Variants in CNTRL observed in about 807,000 individuals in gnomAD.
The protein encoded by CNTRL is 110 kDa centrosomal protein.
CNTRL carries 233 observed loss-of-function variants against 303.7 expected under a neutral mutation model. The ratio of observed to expected loss-of-function variants is 0.77; its 90% confidence interval spans 0.69 to 0.86. CNTRL has a LOEUF of 0.86. CNTRL is among the 40% of genes least tolerant of loss of function. The pLI, the probability that CNTRL is intolerant of heterozygous loss-of-function variation, is 0.00. For synonymous variants in CNTRL, 900 were observed against 922.2 expected (o/e 0.98, Z 0.44); for missense variants, 2,524 against 2,650.6 (o/e 0.95, Z 1.05).
At chr9:121,165,121 G>T in intron 35 of CNTRL, 21 bp downstream of exon 35, 1 of 1,530,784 alleles carries the variant, frequency 6.5e-7, no homozygotes, top group South Asian at 1.3e-5. Context: ...GCAAAACAGT[G>T]AAAGTGTGTG....
At chr9:121,153,305 T>TC (rs2052387043) in intron 26 of CNTRL, among the ~76,000 whole-genome samples, 1 of 152,182 alleles carries the variant, frequency 6.6e-6, no homozygotes, top group African/African-American at 2.4e-5. Context: ...ACGACCCTTC[T>TC]CCATCTGAAA....
chr9:121,177,290 C>T lies in CNTRL; in HGVS notation c.*104C>T. On this transcript the variant is annotated 3_prime_UTR_variant, in exon 44 of 44. Coordinates refer to ENST00000373855, the MANE Select transcript of CNTRL (RefSeq NM_007018.6). ...GTTTTTTTAATCAAGATGCAGTGAACTGAGATTCTGAAACTCCACTGTAGT... is the reference window on the plus strand; with the variant it reads ...GTTTTTTTAATCAAGATGCAGTGAATTGAGATTCTGAAACTCCACTGTAGT... The T allele has an allele frequency of 1.0e-6, 1 of 956,690 alleles. No homozygotes were observed. The allele number at this position is 956,690 out of a possible 1,614,324, so 59.3% of individuals were successfully genotyped here. A position where few individuals can be genotyped will look rare whatever the true frequency, so the allele number is the denominator to read the frequency against.
At chr9:121,095,065 T>G in intron 5 of CNTRL, 47 bp downstream of exon 5, 1 of 1,448,862 alleles carries the variant, frequency 6.9e-7, no homozygotes. Flanking sequence ...GATAGCTTTG[T>G]TAGAGAGGTA....
In CNTRL at chr9:121,125,716, G is replaced by A. The variant is rs1438991763; in HGVS notation, c.1805G>A (p.Gly602Asp). The A allele has an allele frequency of 6.2e-7, 1 of 1,613,788 alleles. No homozygotes were observed. The highest frequency in any genetic ancestry group is 2.2e-5 in the East Asian group (1 of 44,878). ...IKDLEEQLTE[G>D]QIAANEALKK... ...ATTACCCTTTTTGCATCTTGCTTAG[G>A]CCAGATAGCAGCAAATGAAGCCCTG... Residue 602 changes from glycine (G) to aspartate (D), a missense_variant and splice_region_variant, in exon 14 of 44, where the codon GGC becomes GAC. By Grantham distance (94) the Gly-to-Asp change is moderately conservative. Coordinates refer to ENST00000373855, the MANE Select transcript of CNTRL (RefSeq NM_007018.6).
At chr9:121,124,125 G>T in intron 13 of CNTRL, 41 bp downstream of exon 13, 7 of 1,525,054 alleles carry the variant, frequency 4.6e-6, no homozygotes, top group Non-Finnish European at 5.3e-6. Context: ...CAGTGTTATT[G>T]CTGGTAAAAG....
Position 121,150,495 on chromosome 9 carries a change from G to A in CNTRL, c.3963+12G>A. ...AACACCATAACTTAGTAAGTGGAAA[G>A]ACATACAACTCTCTTTCCACACTGC... On this transcript the variant is annotated intron_variant, in intron 25 of 43. Transcript: ENST00000373855. 1 of 1,612,012 alleles carries A rather than the reference G, an allele frequency of 6.2e-7. No homozygotes were observed. Among genetic ancestry groups the A allele is most frequent in the Non-Finnish European group, 8.5e-7 (1 of 1,178,232 alleles).
At chr9:121,161,611 T>C in intron 32 of CNTRL, 1 of 428,336 alleles carries the variant, frequency 2.3e-6, no homozygotes, top group South Asian at 3.6e-5. Flanking sequence ...GCCTGCCAAA[T>C]GGCTGGGATT....
In CNTRL at chr9:121,160,649, G is replaced by A. The variant is rs115385359; in HGVS notation, c.5089+347G>A. ...GCCCATTTCTACTCCTCCAGAAAGGGCAAGTATGTACATCGCAGCAATATT... is the reference window on the plus strand; with the variant it reads ...GCCCATTTCTACTCCTCCAGAAAGGACAAGTATGTACATCGCAGCAATATT... On this transcript the variant is annotated intron_variant, in intron 32 of 43. Transcript: ENST00000373855. Among the ~76,000 whole-genome samples, 1,111 of 152,204 alleles carry A rather than the reference G, an allele frequency of 7.3e-3. 13 individuals are homozygous for A. Among genetic ancestry groups the A allele is most frequent in the African/African-American group, 0.025 (1,050 of 41,522 alleles).
intron 4 of CNTRL, among the ~76,000 whole-genome samples, chr9:121,092,501 A>C (rs1368500733): frequency 1.2e-5 from 1 of 81,096 alleles, no homozygotes. Context: ...ATATCTATAT[A>C]TATAATATAT....
Position 121,150,277 on chromosome 9 carries a change from G to T in CNTRL, c.3757G>T (p.Gly1253Cys), listed in dbSNP as rs1463383749. ...CATGATGTATACTGTGCTTCCTGAT[G>T]GTTCTCCTGTACCCCAGGGCATGGC... ...GYMMYTVLPD[G>C]SPVPQGMALY... Residue 1253 changes from glycine to cysteine, a missense_variant, in exon 25 of 44, where the codon GGT becomes TGT. Gly to Cys is a radical substitution (Grantham distance 159, BLOSUM62 -3). Coordinates refer to ENST00000373855, the MANE Select transcript of CNTRL (RefSeq NM_007018.6). 6.2e-7 allele frequency: 1 copy of T among 1,614,022 alleles called. No homozygotes were observed. The highest frequency in any genetic ancestry group is 8.5e-7 in the Non-Finnish European group (1 of 1,180,030).
At chr9:121,134,984 C>A (rs1448517135) in intron 14 of CNTRL, among the ~76,000 whole-genome samples, 2 of 152,172 alleles carry the variant, frequency 1.3e-5, no homozygotes, top group African/African-American at 4.8e-5. Context: ...TTTAAACAAG[C>A]AGCCCAAATG....
intron 43 of CNTRL, among the ~76,000 whole-genome samples, chr9:121,175,661 T>C (rs1365255185): frequency 2.0e-5 from 3 of 152,180 alleles, no homozygotes; most frequent in Non-Finnish European, 4.4e-5. Context: ...CAGAAAAATA[T>C]AGATTATGCC....
chr9:121,161,173 C>G, intron 32 of CNTRL: 2 of 394,878 alleles, frequency 5.1e-6, no homozygotes, highest in Admixed American at 4.6e-5. Flanking sequence ...CACACACATG[C>G]ATTCTTAGAA....
At chr9:121,088,228 T>A in intron 2 of CNTRL, 68 bp from the exon 3 acceptor site, 1 of 756,502 alleles carries the variant, frequency 1.3e-6, no homozygotes, top group East Asian at 2.6e-5. Flanking sequence ...GACCTGAAGG[T>A]TCTAGAAAGA....
intron 36 of CNTRL, among the ~76,000 whole-genome samples, chr9:121,167,021 C>CAA (rs35451255): frequency 9.3e-4 from 131 of 141,550 alleles, no homozygotes; most frequent in Non-Finnish European, 1.0e-3. Context: ...AGCTCTGTCT[C>CAA]AAAAAAAAAA....
At chr9:121,155,303 T>C (rs570484107) in intron 27 of CNTRL, among the ~76,000 whole-genome samples, 1 of 152,306 alleles carries the variant, frequency 6.6e-6, no homozygotes, top group Non-Finnish European at 1.5e-5. Context: ...TATATTCTTA[T>C]TAAGCTACAA....
chr9:121,089,601 A>G (rs2048477705), intron 3 of CNTRL, among the ~76,000 whole-genome samples: 1 of 152,222 alleles, frequency 6.6e-6, no homozygotes, highest in East Asian at 1.9e-4. Flanking sequence ...GTTTCTTACC[A>G]TAAAAAAATA....
At chr9:121,104,556 CAAAAAGAAAAGAA>C (rs2049360224) in intron 7 of CNTRL, among the ~76,000 whole-genome samples, 1 of 148,388 alleles carries the variant, frequency 6.7e-6, no homozygotes. Context: ...TAAAACTATC[CAAAAAGAAAAGAA>C]AAAAAGAAAA....
chr9:121,176,888 TACTGAC>T (rs2053548268), intron 43 of CNTRL, among the ~76,000 whole-genome samples: 1 of 152,188 alleles, frequency 6.6e-6, no homozygotes, highest in Admixed American at 6.5e-5. Context: ...ACTAGACAGT[TACTGAC>T]ACTGATGCCA....
Sources: allele counts gnomAD v4.1 joint callset (sites outside exome capture counted in the v4.1 genomes callset), GRCh38; gene constraint gnomAD v4.1.1; transcripts MANE v1.5; gene names NCBI Gene and HGNC (gene_info 2026-07-23, HGNC 2026-07-21).